The following CDK6 variants were observed in gnomAD, a reference collection of about 807,000 sequenced individuals.
CDK6 encodes cyclin dependent kinase 6, also known as cyclin-dependent kinase 6.
Under a neutral mutation model 37.1 loss-of-function variants are expected in CDK6, and 6 were observed. That is an observed-to-expected ratio of 0.16 (90% CI 0.09 to 0.32). The LOEUF is 0.32. CDK6 is among the 10% of genes least tolerant of loss of function. CDK6 has a pLI of 1.00. For synonymous variants in CDK6, 160 were observed against 161.3 expected, an observed-to-expected ratio of 0.99 and a Z score of 0.06; for missense variants, 224 against 418.9, an observed-to-expected ratio of 0.53 and a Z score of 4.06.
intron 3 of CDK6, among the ~76,000 whole-genome samples, chr7:92,759,029 T>C (rs998499864): frequency 6.6e-6 from 1 of 152,110 alleles, no homozygotes; most frequent in African/African-American, 2.4e-5. Flanking sequence ...AAAAGCTGCA[T>C]GGCTTGTCAA....
rs144987490 is a variant in CDK6 at position 92,614,197 on chromosome 7, A to G, written c.*943T>C. 2 of 233,088 alleles carry G rather than the reference A, an allele frequency of 8.6e-6. No homozygotes were observed. The highest frequency in any genetic ancestry group is 1.2e-4 in the East Asian group (2 of 16,538). The allele number at this position is 233,088 out of a possible 1,614,324, so 14.4% of individuals were successfully genotyped here. A position where few individuals can be genotyped will look rare whatever the true frequency, so the allele number is the denominator to read the frequency against. On this transcript the variant is annotated 3_prime_UTR_variant, in exon 8 of 8. Coordinates refer to ENST00000424848, the MANE Select transcript of CDK6 (RefSeq NM_001145306.2). ...AAAAACAAAATAACAACAACAAACAACAATAACAACAACAAAAAAAGGGAA... is the reference window on the plus strand; with the variant it reads ...AAAAACAAAATAACAACAACAAACAGCAATAACAACAACAAAAAAAGGGAA...
At chr7:92,675,796 C>T (rs1403397129) in intron 4 of CDK6, among the ~76,000 whole-genome samples, 1 of 152,056 alleles carries the variant, frequency 6.6e-6, no homozygotes, top group Non-Finnish European at 1.5e-5. Context: ...TCTTTAGAAG[C>T]CAATTTTCGT....
At chr7:92,673,660 T>A (rs746696666) in intron 4 of CDK6, among the ~76,000 whole-genome samples, 2 of 152,224 alleles carry the variant, frequency 1.3e-5, no homozygotes, top group Non-Finnish European at 2.9e-5. Context: ...TGCCTGTTCA[T>A]CAAAATCCCC....
intron 4 of CDK6, among the ~76,000 whole-genome samples, chr7:92,709,283 A>G (rs567201345): frequency 1.5e-3 from 223 of 152,228 alleles, no homozygotes; most frequent in African/African-American, 4.9e-3. Flanking sequence ...TCAACAACCC[A>G]CATACTTCTT....
At position 92,716,641 on chromosome 7, in the gene CDK6, G is replaced by T. The variant is rs148184868; in HGVS notation, c.537+8985C>A. Among the ~76,000 whole-genome samples the T allele has an allele frequency of 2.5e-3, 374 of 152,264 alleles. 2 individuals are homozygous for T. The highest frequency in any genetic ancestry group is 8.5e-3 in the African/African-American group (353 of 41,566). On this transcript the variant is annotated intron_variant, in intron 4 of 7. Coordinates refer to ENST00000424848, the MANE Select transcript of CDK6 (RefSeq NM_001145306.2). ...CCACCTCTCCTTTCCTTAAAAGGAA[G>T]CAGTGACAGCTCTAAAATACAAGCA...
intron 5 of CDK6, among the ~76,000 whole-genome samples, chr7:92,663,455 A>T (rs1002181915): frequency 6.6e-6 from 1 of 152,152 alleles, no homozygotes; most frequent in African/African-American, 2.4e-5. Context: ...CTGTAATCTT[A>T]GTACTTTGGG....
chr7:92,723,303 C>T (rs970867907), intron 4 of CDK6, among the ~76,000 whole-genome samples: 1 of 152,162 alleles, frequency 6.6e-6, no homozygotes, highest in African/African-American at 2.4e-5. Context: ...AAGTAAAATA[C>T]TAGCATTTCT....
At chr7:92,732,751 AT>A (rs1273408154) in intron 3 of CDK6, among the ~76,000 whole-genome samples, 1 of 152,132 alleles carries the variant, frequency 6.6e-6, no homozygotes, top group Non-Finnish European at 1.5e-5. Context: ...TTCAGGAAGC[AT>A]TTTCCTCCTT....
At chr7:92,805,014 T>C (rs1326972046) in intron 2 of CDK6, among the ~76,000 whole-genome samples, 1 of 152,160 alleles carries the variant, frequency 6.6e-6, no homozygotes, top group Non-Finnish European at 1.5e-5. Context: ...AGTAGAAAAA[T>C]TAGATAACCT....
chr7:92,814,422 A>C (rs1800969870), intron 2 of CDK6, among the ~76,000 whole-genome samples: 1 of 152,146 alleles, frequency 6.6e-6, no homozygotes, highest in African/African-American at 2.4e-5. Context: ...TTAGCAGACA[A>C]CTTCCTTGGT....
chr7:92,816,191 A>G (rs1424844972), intron 2 of CDK6, among the ~76,000 whole-genome samples: 3 of 152,202 alleles, frequency 2.0e-5, no homozygotes, highest in Non-Finnish European at 2.9e-5. Flanking sequence ...ACATGCAGCC[A>G]TACAGAACAT....
chr7:92,689,072 G>C (rs1797538811), intron 4 of CDK6, among the ~76,000 whole-genome samples: 1 of 152,154 alleles, frequency 6.6e-6, no homozygotes, highest in Non-Finnish European at 1.5e-5. Context: ...TTTGCAGAGT[G>C]CTACTTGGTG....
At chr7:92,747,697 T>A (rs1306113568) in intron 3 of CDK6, among the ~76,000 whole-genome samples, 1 of 152,208 alleles carries the variant, frequency 6.6e-6, no homozygotes, top group Non-Finnish European at 1.5e-5. Flanking sequence ...GCTTTTGTCA[T>A]TTGTAACACA....
At chr7:92,816,100 T>A (rs1801023090) in intron 2 of CDK6, among the ~76,000 whole-genome samples, 1 of 152,050 alleles carries the variant, frequency 6.6e-6, no homozygotes, top group African/African-American at 2.4e-5. Context: ...AAAATCCAAT[T>A]CTCTTTAAAG....
At chr7:92,807,936 T>G (rs2115927794) in intron 2 of CDK6, among the ~76,000 whole-genome samples, 1 of 152,304 alleles carries the variant, frequency 6.6e-6, no homozygotes, top group East Asian at 1.9e-4. Flanking sequence ...GATTAAATTA[T>G]GAGTTTTAGT....
chr7:92,716,330 A>AAGAC (rs1798229016), intron 4 of CDK6, among the ~76,000 whole-genome samples: 1 of 152,194 alleles, frequency 6.6e-6, no homozygotes, highest in Non-Finnish European at 1.5e-5. Flanking sequence ...AAGCGATGGA[A>AAGAC]AGACAGAAAG....
intron 5 of CDK6, among the ~76,000 whole-genome samples, chr7:92,636,240 T>C (rs1227212637): frequency 6.6e-6 from 1 of 151,972 alleles, no homozygotes; most frequent in Non-Finnish European, 1.5e-5. Context: ...TTTTTTGTTT[T>C]GTAGAGACAG....
intron 4 of CDK6, among the ~76,000 whole-genome samples, chr7:92,714,736 A>G (rs1369244787): frequency 6.6e-6 from 1 of 152,104 alleles, no homozygotes; most frequent in African/African-American, 2.4e-5. Flanking sequence ...TTAGGAATTT[A>G]TTTCACATTC....
chr7:92,832,015 T>C (rs548111391), intron 2 of CDK6, among the ~76,000 whole-genome samples: 37 of 152,352 alleles, frequency 2.4e-4, no homozygotes, highest in South Asian at 1.9e-3. Flanking sequence ...CATGTATTTG[T>C]TGAACAGAAG....
Sources: allele counts gnomAD v4.1 joint callset (sites outside exome capture counted in the v4.1 genomes callset), GRCh38; gene constraint gnomAD v4.1.1; transcripts MANE v1.5; gene names NCBI Gene and HGNC (gene_info 2026-07-23, HGNC 2026-07-21).